Variants in SRSF4 observed in about 807,000 individuals in gnomAD.
The protein encoded by SRSF4 is serine and arginine rich splicing factor 4.
In SRSF4, 12 loss-of-function variants were observed where a neutral mutation model predicts 48.8. The observed-to-expected ratio is 0.25, with a 90% confidence interval of 0.16 to 0.40. SRSF4 has a LOEUF of 0.40. Among genes scored for constraint, SRSF4 ranks in the 10% least tolerant of loss-of-function variants. The probability of loss-of-function intolerance (pLI) is 1.00; values close to 1 mark genes in which losing one functional copy is unlikely to be tolerated. For missense variants in SRSF4, 466 were observed against 667.1 expected, an observed-to-expected ratio of 0.70 and a Z score of 3.32; for synonymous variants, 248 against 232.5, an observed-to-expected ratio of 1.07 and a Z score of -0.61.
chr1:29,169,968 A>G (rs1383731213), intron 1 of SRSF4: 1 of 152,242 alleles, frequency 6.6e-6, no homozygotes, highest in East Asian at 1.9e-4. Context: ...TTCAAAAATG[A>G]ACTAAGTCAG....
intron 4 of SRSF4, among the ~76,000 whole-genome samples, chr1:29,151,113 CA>C (rs1298692260): frequency 1.3e-5 from 2 of 152,154 alleles, no homozygotes; most frequent in African/African-American, 4.8e-5. Flanking sequence ...GGAAGTAGTA[CA>C]CAAAGATGGG....
intron 1 of SRSF4, chr1:29,171,950 G>C (rs1160516989): frequency 1.3e-5 from 2 of 152,108 alleles, no homozygotes; most frequent in East Asian, 1.9e-4. Context: ...AAACTGAAGG[G>C]ACCAAGAACC....
At chr1:29,152,925 A>AG (rs949337675) in intron 4 of SRSF4, among the ~76,000 whole-genome samples, 2 of 150,950 alleles carry the variant, frequency 1.3e-5, no homozygotes, top group African/African-American at 4.9e-5. Context: ...TCCGTCTCAA[A>AG]AAAAAAAAAA....
At chr1:29,154,134 A>G (rs961629411) in intron 4 of SRSF4, among the ~76,000 whole-genome samples, 13 of 151,446 alleles carry the variant, frequency 8.6e-5, no homozygotes, top group Non-Finnish European at 2.9e-5. Flanking sequence ...GCTCACTGCA[A>G]CCTCTGCCCC....
chr1:29,158,920 G>C (rs575898848), intron 3 of SRSF4, among the ~76,000 whole-genome samples: 9 of 152,184 alleles, frequency 5.9e-5, no homozygotes, highest in African/African-American at 2.2e-4. Flanking sequence ...AGGAGTTCAA[G>C]ATGGTGAAAC....
Position 29,154,706 on chromosome 1 carries a change from T to C in SRSF4, c.568A>G (p.Ser190Gly). 1 of 1,614,208 alleles carries C rather than the reference T, an allele frequency of 6.2e-7. No homozygotes were observed. Among genetic ancestry groups the C allele is most frequent in the Non-Finnish European group, 8.5e-7 (1 of 1,180,026 alleles). ...RRRRSYSRSR[S>G]HSRSRSRSRH... ...AGACATCAACAGTACCTTGAATGAC[T>C]CCGGCTTCTGGAGTAGGACCGGCGT... The change falls in exon 4 of 6, where the codon AGT becomes GGT. Residue 190 changes from serine (S) to glycine (G), a missense_variant. Coordinates refer to ENST00000373795, the MANE Select transcript of SRSF4 (RefSeq NM_005626.5).
At chr1:29,150,240 A>C in intron 4 of SRSF4, 48 bp from the exon 5 acceptor site, 1 of 1,288,560 alleles carries the variant, frequency 7.8e-7, no homozygotes, top group Middle Eastern at 1.9e-4. Context: ...GAGGCTGCTG[A>C]TGAGCATCAA....
At chr1:29,178,430 A>G (rs1413947031) in intron 1 of SRSF4, among the ~76,000 whole-genome samples, 2 of 140,564 alleles carry the variant, frequency 1.4e-5, no homozygotes, top group East Asian at 2.1e-4. Flanking sequence ...TGCAAGCTCC[A>G]CCTCCCAGGT....
In SRSF4 at chr1:29,147,924, T is replaced by G. The variant is rs1028495889; in HGVS notation, c.*486A>C. 3 of 355,332 alleles carry G rather than the reference T, an allele frequency of 8.4e-6. No homozygotes were observed. The Admixed American group carries it at 1.0e-4, about 12-fold the overall frequency. The allele number at this position is 355,332 out of a possible 1,614,324, so 22.0% of individuals were successfully genotyped here. A position where few individuals can be genotyped will look rare whatever the true frequency, so the allele number is the denominator to read the frequency against. On this transcript the variant is annotated 3_prime_UTR_variant, in exon 6 of 6. Coordinates refer to ENST00000373795, the MANE Select transcript of SRSF4 (RefSeq NM_005626.5). ...TTTATTTCCTATGGGTTACTGCAGG[T>G]ATCAATTTTCCTCGACTGTGCTATT...
chr1:29,173,833 C>T (rs1672789998), intron 1 of SRSF4, among the ~76,000 whole-genome samples: 1 of 151,638 alleles, frequency 6.6e-6, no homozygotes, highest in Non-Finnish European at 1.5e-5. Flanking sequence ...ATATATAATT[C>T]TAAACATTTT....
At position 29,148,115 on chromosome 1, in the gene SRSF4, T is replaced by TA. The variant is rs1672334308; in HGVS notation, c.*294dup. ...ATTCCAGCCTTAGAGCCGTCCAGGT[T>TA]ACTGAGCTCCCTGTAGGAAAGGCCA... On this transcript the variant is annotated 3_prime_UTR_variant, in exon 6 of 6. Coordinates refer to ENST00000373795, the MANE Select transcript of SRSF4 (RefSeq NM_005626.5). 1.8e-6 allele frequency: 1 copy of TA among 562,088 alleles called. No homozygotes were observed. Among genetic ancestry groups the TA allele is most frequent in the Non-Finnish European group, 3.4e-6 (1 of 296,738 alleles). 34.8% of individuals were successfully genotyped at this position (562,088 alleles called of 1,614,324 possible).
intron 1 of SRSF4, among the ~76,000 whole-genome samples, chr1:29,165,713 T>C (rs2493845): frequency 0.82 from 125,421 of 152,186 alleles, 52,262 homozygotes; most frequent in Middle Eastern, 0.89. Context: ...GGGCAAGGCA[T>C]GACTAAGGGG....
rs118176196 is a variant in SRSF4 at position 29,148,032 on chromosome 1, G to A, written c.*378C>T. On this transcript the variant is annotated 3_prime_UTR_variant, in exon 6 of 6. Transcript: ENST00000373795. Reference sequence around the variant, plus strand: ...GCACTTTCACTAAATGGCATACATCGAAGGGCATCAATTCAAGAGCAAAAA... The same window carrying A: ...GCACTTTCACTAAATGGCATACATCAAAGGGCATCAATTCAAGAGCAAAAA... 254 of 469,258 alleles carry A rather than the reference G, an allele frequency of 5.4e-4. 1 individual carries two copies. The East Asian group carries it at 0.012, about 22-fold the overall frequency. The allele number at this position is 469,258 out of a possible 1,614,324, so 29.1% of individuals were successfully genotyped here.
intron 1 of SRSF4, among the ~76,000 whole-genome samples, chr1:29,177,178 G>C (rs1672881721): frequency 6.6e-6 from 1 of 151,412 alleles, no homozygotes; most frequent in African/African-American, 2.4e-5. Context: ...GCCAACAAAA[G>C]TTACCACAGA....
intron 1 of SRSF4, chr1:29,172,831 A>G (rs1467489813): frequency 6.6e-6 from 1 of 152,230 alleles, no homozygotes; most frequent in Non-Finnish European, 1.5e-5. Flanking sequence ...TACCCATCAC[A>G]GGGTTACTTA....
chr1:29,173,014 A>G (rs191865412), intron 1 of SRSF4: 1 of 152,112 alleles, frequency 6.6e-6, no homozygotes, highest in African/African-American at 2.4e-5. Flanking sequence ...ACAAAATTGC[A>G]CGTAAAACCT....
At chr1:29,156,342 G>A (rs759415685) in intron 3 of SRSF4, among the ~76,000 whole-genome samples, 6 of 131,562 alleles carry the variant, frequency 4.6e-5, no homozygotes, top group Non-Finnish European at 9.6e-5. Flanking sequence ...GACAGAGCAA[G>A]ACCTTCGTCT....
At chr1:29,158,924 G>A (rs962328392) in intron 3 of SRSF4, among the ~76,000 whole-genome samples, 1 of 152,092 alleles carries the variant, frequency 6.6e-6, no homozygotes, top group Non-Finnish European at 1.5e-5. Context: ...GTTCAAGATG[G>A]TGAAACCTCG....
At chr1:29,181,507 G>A (rs913091676) in intron 1 of SRSF4, 139 bp downstream of exon 1, 126 of 683,630 alleles carry the variant, frequency 1.8e-4, no homozygotes, top group Non-Finnish European at 2.5e-4. Flanking sequence ...GCGCCCCCGA[G>A]GCGCCGCCAC....
Sources: gnomAD v4.1 joint callset for allele counts (sites outside exome capture counted in the v4.1 genomes callset) on GRCh38, gnomAD v4.1.1 for gene constraint, MANE v1.5 for transcripts, NCBI Gene and HGNC (gene_info 2026-07-23, HGNC 2026-07-21) for gene names.